Variants in MBD5 observed in about 807,000 individuals in gnomAD.
MBD5 encodes the protein methyl-CpG-binding domain protein 5.
MBD5 carries 13 observed loss-of-function variants against 117.3 expected under a neutral mutation model. The ratio of observed to expected loss-of-function variants is 0.11; its 90% CI spans 0.07 to 0.18. The LOEUF (loss-of-function observed/expected upper bound fraction) is 0.18. Among genes scored for constraint, MBD5 ranks in the 10% least tolerant of loss-of-function variants. The pLI is 1.00. For synonymous variants in MBD5, 727 were observed against 766.4 expected (o/e 0.95, Z 0.85); for missense variants, 1,879 against 2,093.8 (o/e 0.90, Z 2.00).
At chr2:148,460,771 G>A (rs756850522) in intron 5 of MBD5, among the ~76,000 whole-genome samples, 5 of 152,184 alleles carry the variant, frequency 3.3e-5, no homozygotes, top group Non-Finnish European at 5.9e-5. Context: ...AGCATCTGGA[G>A]TACTTTAATA....
intron 1 of MBD5, among the ~76,000 whole-genome samples, chr2:148,104,615 A>T (rs1696320818): frequency 6.6e-6 from 1 of 152,194 alleles, no homozygotes; most frequent in Non-Finnish European, 1.5e-5. Context: ...CTCGATTTGC[A>T]GTTGTATTGT....
chr2:148,264,203 A>G (rs1197717800), intron 3 of MBD5: 1 of 152,180 alleles, frequency 6.6e-6, no homozygotes, highest in African/African-American at 2.4e-5. Flanking sequence ...AGGATGGCTC[A>G]TACCTGTAAT....
chr2:148,439,663 A>T (rs988807439), intron 4 of MBD5, among the ~76,000 whole-genome samples: 9 of 152,104 alleles, frequency 5.9e-5, no homozygotes, highest in African/African-American at 2.2e-4. Flanking sequence ...TTGTAAAGCC[A>T]AACAAAATAC....
rs201148892 is a variant in MBD5 at position 148,043,044 on chromosome 2, G to A, written c.-925+21360G>A. On this transcript the variant is annotated intron_variant, in intron 1 of 13. Transcript: ENST00000642680. ...GGGAGTTTGTGAGTGCTCTGAAAAC[G>A]AATGAACTCCTAGACCACCTGTATC... Among the ~76,000 whole-genome samples the A allele has an allele frequency of 3.3e-5, 5 of 151,994 alleles. No individual in the cohort carries two copies. The East Asian group carries it at 7.7e-4, about 24-fold the overall frequency.
chr2:148,411,856 A>G (rs7561976), intron 4 of MBD5, among the ~76,000 whole-genome samples: 38,323 of 151,984 alleles, frequency 0.25, 5,692 homozygotes, highest in African/African-American at 0.41. Flanking sequence ...ATATTGAGTC[A>G]CATTTCTCAC....
At chr2:148,398,446 T>C (rs1470007377) in intron 4 of MBD5, among the ~76,000 whole-genome samples, 2 of 152,318 alleles carry the variant, frequency 1.3e-5, no homozygotes, top group Admixed American at 1.3e-4. Flanking sequence ...TGCATAAATG[T>C]CTTCTTTTGA....
intron 3 of MBD5, among the ~76,000 whole-genome samples, chr2:148,336,258 C>T (rs1702784912): frequency 6.6e-6 from 1 of 152,162 alleles, no homozygotes; most frequent in South Asian, 2.1e-4. Context: ...GTGTCTTTTC[C>T]TGGTACCCCC....
intron 4 of MBD5, among the ~76,000 whole-genome samples, chr2:148,423,688 T>C (rs1383726610): frequency 2.0e-5 from 3 of 152,058 alleles, no homozygotes; most frequent in Non-Finnish European, 2.9e-5. Context: ...AGGATCAGAT[T>C]CAGACATAAC....
At chr2:148,288,182 C>T (rs1443718239) in intron 3 of MBD5, among the ~76,000 whole-genome samples, 5 of 147,770 alleles carry the variant, frequency 3.4e-5, no homozygotes, top group Admixed American at 6.8e-5. Flanking sequence ...AGGCGGATCA[C>T]GAGGTCAGGA....
chr2:148,317,318 G>A (rs144867803), intron 3 of MBD5, among the ~76,000 whole-genome samples: 182 of 151,922 alleles, frequency 1.2e-3, no homozygotes, highest in Middle Eastern at 3.4e-3. Context: ...GCAGTGAGCC[G>A]AGAACACACC....
At position 148,458,677 on chromosome 2, in the gene MBD5, T is replaced by G. The variant is rs1162230059; in HGVS notation, c.-82T>G. The G allele has an allele frequency of 7.9e-7, 1 of 1,265,578 alleles. No homozygotes were observed. Among genetic ancestry groups the G allele is most frequent in the Non-Finnish European group, 1.2e-6 (1 of 865,332 alleles). The allele number at this position is 1,265,578 out of a possible 1,614,324, so 78.4% of individuals were successfully genotyped here. ...GAAAAACTGTGCTGCACTGGCCCAC[T>G]TTTGAAGGCCATCATGCTCTGTAAT... On this transcript the variant is annotated 5_prime_UTR_variant, in exon 5 of 14. Transcript: ENST00000642680.
chr2:148,359,057 T>A (rs1312804515), intron 4 of MBD5, among the ~76,000 whole-genome samples: 1 of 150,638 alleles, frequency 6.6e-6, no homozygotes, highest in Non-Finnish European at 1.5e-5. Flanking sequence ...AGGTCAGGAG[T>A]TCAAGACCAG....
chr2:148,371,034 G>A (rs530582125), intron 4 of MBD5, among the ~76,000 whole-genome samples: 10 of 152,208 alleles, frequency 6.6e-5, no homozygotes, highest in South Asian at 2.1e-4. Flanking sequence ...CATTATAAGC[G>A]TTAAGAAAGA....
rs1298506076 is a variant in MBD5 at position 148,378,613 on chromosome 2, A to G, written c.-557+36277A>G. ...TTCTCACTAGAAATACTGTTTTTCT[A>G]TTATTAAAAAAGATACAAAATGTTT... On this transcript the variant is annotated intron_variant, in intron 4 of 13. Coordinates refer to ENST00000642680, the MANE Select transcript of MBD5 (RefSeq NM_001378120.1). Among the ~76,000 whole-genome samples, 5 of 152,130 alleles carry G rather than the reference A, an allele frequency of 3.3e-5. No homozygotes were observed. The East Asian group carries it at 7.7e-4, about 23-fold the overall frequency.
At position 148,515,982 on chromosome 2, in the gene MBD5, T is replaced by C. The variant is rs1183533066; in HGVS notation, c.*3041T>C. On this transcript the variant is annotated 3_prime_UTR_variant, in exon 14 of 14. Transcript: ENST00000642680. Reference sequence around the variant, plus strand: ...TATGAATGAAAATGTTTTAAGAACATTCATCCCTTGTGATATCATGGGCCA... The same window carrying C: ...TATGAATGAAAATGTTTTAAGAACACTCATCCCTTGTGATATCATGGGCCA... The C allele has an allele frequency of 6.6e-6, 1 of 152,238 alleles. No homozygotes were observed. The highest frequency in any genetic ancestry group is 1.5e-5 in the Non-Finnish European group (1 of 68,030). The allele number at this position is 152,238 out of a possible 1,614,324, so 9.4% of individuals were successfully genotyped here. A position where few individuals can be genotyped will look rare whatever the true frequency, so the allele number is the denominator to read the frequency against.
intron 1 of MBD5, among the ~76,000 whole-genome samples, chr2:148,122,654 G>A (rs1477372154): frequency 1.3e-5 from 2 of 152,006 alleles, no homozygotes; most frequent in East Asian, 1.9e-4. Context: ...CATTTTCCTC[G>A]AGGTGGCTTG....
chr2:148,282,470 C>T (rs181977214), intron 3 of MBD5, among the ~76,000 whole-genome samples: 7 of 152,032 alleles, frequency 4.6e-5, no homozygotes, highest in African/African-American at 1.7e-4. Context: ...GTATTTATGA[C>T]ATGTCTGCTT....
chr2:148,345,719 A>G (rs1703108341), intron 4 of MBD5, among the ~76,000 whole-genome samples: 1 of 149,740 alleles, frequency 6.7e-6, no homozygotes, highest in Admixed American at 6.7e-5. Context: ...TTATATATAT[A>G]TGGAAGTTTA....
At chr2:148,089,072 C>T (rs1695870051) in intron 1 of MBD5, among the ~76,000 whole-genome samples, 1 of 152,052 alleles carries the variant, frequency 6.6e-6, no homozygotes, top group African/African-American at 2.4e-5. Flanking sequence ...TTAGACAAAA[C>T]AGACTTTAAA....
Sources: allele counts gnomAD v4.1 joint callset (sites outside exome capture counted in the v4.1 genomes callset), GRCh38; gene constraint gnomAD v4.1.1; transcripts MANE v1.5; gene names NCBI Gene and HGNC (gene_info 2026-07-23, HGNC 2026-07-21).